Variants in TRAK2 observed in about 807,000 individuals in gnomAD.
TRAK2 encodes trafficking kinesin protein 2.
A neutral mutation model predicts 104.6 loss-of-function variants in TRAK2; 81 were observed. The ratio of observed to expected loss-of-function variants is 0.77; its 90% CI spans 0.65 to 0.93. The LOEUF (loss-of-function observed/expected upper bound fraction) is 0.93, where lower values mean the gene tolerates loss of function less well. Ranked by LOEUF, TRAK2 falls within the 40% of genes least tolerant of loss-of-function variation. The pLI is 0.00. For missense variants in TRAK2, 1,002 were observed against 1,089.0 expected (o/e 0.92, Z 1.12); for synonymous variants, 406 against 394.4 (o/e 1.03, Z -0.35).
chr2:201,434,252 C>G (rs1425068628), intron 1 of TRAK2, among the ~76,000 whole-genome samples: 1 of 152,128 alleles, frequency 6.6e-6, no homozygotes, highest in African/African-American at 2.4e-5. Context: ...CCACTGCGCC[C>G]GGCCCATAAT....
intron 1 of TRAK2, among the ~76,000 whole-genome samples, chr2:201,441,635 T>C (rs1243802078): frequency 2.0e-5 from 3 of 151,906 alleles, no homozygotes; most frequent in Non-Finnish European, 4.4e-5. Flanking sequence ...AGTTGGTTTC[T>C]AGTCTCTTCC....
chr2:201,418,372 C>T (rs888164100), intron 2 of TRAK2, among the ~76,000 whole-genome samples: 1 of 152,122 alleles, frequency 6.6e-6, no homozygotes, highest in Non-Finnish European at 1.5e-5. Context: ...GATGGGGTCT[C>T]ATTATGTTGC....
At chr2:201,428,737 G>T (rs1171059682) in intron 1 of TRAK2, among the ~76,000 whole-genome samples, 1 of 152,190 alleles carries the variant, frequency 6.6e-6, no homozygotes, top group African/African-American at 2.4e-5. Context: ...GGATGGCATT[G>T]AATCTATAAA....
intron 1 of TRAK2, among the ~76,000 whole-genome samples, chr2:201,422,085 A>T (rs1234726935): frequency 1.3e-5 from 2 of 151,952 alleles, no homozygotes; most frequent in Non-Finnish European, 2.9e-5. Context: ...AAATTGGAAC[A>T]AGCTTTCAGA....
intron 2 of TRAK2, among the ~76,000 whole-genome samples, chr2:201,409,228 T>C (rs1429923060): frequency 6.6e-6 from 1 of 151,958 alleles, no homozygotes; most frequent in Admixed American, 6.6e-5. Flanking sequence ...AAAATACTTA[T>C]ATTTAGTACA....
Position 201,389,907 on chromosome 2 carries a change from A to C in TRAK2, c.1114-27T>G, listed in dbSNP as rs201168592. The C allele has an allele frequency of 2.5e-3, 3,968 of 1,579,260 alleles. 2 individuals carry two copies. Among genetic ancestry groups the C allele is most frequent in the Non-Finnish European group, 3.1e-3 (3,531 of 1,151,206 alleles). ...TAAGAAAAAGAGTTTGAGATTTCTA[A>C]AGTGATTGTTGCCCTTAAATTAACA... On this transcript the variant is annotated intron_variant, in intron 10 of 15. Coordinates refer to ENST00000332624, the MANE Select transcript of TRAK2 (RefSeq NM_015049.3).
chr2:201,448,795 A>G (rs186611182), intron 1 of TRAK2, among the ~76,000 whole-genome samples: 514 of 152,290 alleles, frequency 3.4e-3, no homozygotes, highest in African/African-American at 0.011. Context: ...GCTGGAGTGC[A>G]GTGGTGCCAT....
rs537230828 is a variant in TRAK2 at position 201,437,188 on chromosome 2, A to G, written c.-200+14162T>C. On this transcript the variant is annotated intron_variant, in intron 1 of 15. Transcript: ENST00000332624. ...ATTTTTTGAGATATGGCTACTGGCT[A>G]TCTGCAATCCAGGAGGTTATTAGAT... 1.4e-3 allele frequency among the ~76,000 whole-genome samples: 212 copies of G among 152,334 alleles called. 1 individual carries two copies. Among genetic ancestry groups the G allele is most frequent in the African/African-American group, 4.9e-3 (204 of 41,574 alleles).
chr2:201,388,132 A>G, intron 12 of TRAK2, 131 bp from the exon 13 acceptor site: 1 of 971,770 alleles, frequency 1.0e-6, no homozygotes, highest in South Asian at 1.4e-5. Flanking sequence ...TACCTGGAAT[A>G]TAGAAGTAAT....
chr2:201,393,446 A>G (rs1951466545), intron 9 of TRAK2, among the ~76,000 whole-genome samples: 1 of 152,214 alleles, frequency 6.6e-6, no homozygotes, highest in Non-Finnish European at 1.5e-5. Flanking sequence ...TCAAGAGCCT[A>G]CAAAGTGTTA....
intron 15 of TRAK2, among the ~76,000 whole-genome samples, 160 bp from the exon 16 acceptor site, chr2:201,381,378 G>A (rs1208446988): frequency 2.6e-5 from 4 of 152,154 alleles, no homozygotes; most frequent in Non-Finnish European, 5.9e-5. Flanking sequence ...TCTGGGGAAT[G>A]AAAATTTTGA....
chr2:201,449,648 C>G (rs1208112278), intron 1 of TRAK2, among the ~76,000 whole-genome samples: 1 of 148,706 alleles, frequency 6.7e-6, no homozygotes, highest in African/African-American at 2.5e-5. Flanking sequence ...CCATGCCTGG[C>G]TAATTTTTTT....
intron 2 of TRAK2, among the ~76,000 whole-genome samples, chr2:201,419,018 TA>T (rs915626356): frequency 6.6e-6 from 1 of 152,176 alleles, no homozygotes; most frequent in African/African-American, 2.4e-5. Context: ...ATTCAACACT[TA>T]CATTTCAATA....
intron 14 of TRAK2, among the ~76,000 whole-genome samples, chr2:201,384,543 G>A (rs1951371469): frequency 6.6e-6 from 1 of 152,098 alleles, no homozygotes; most frequent in African/African-American, 2.4e-5. Flanking sequence ...TTCTCAAAGT[G>A]TGGTCTGCAG....
intron 3 of TRAK2, among the ~76,000 whole-genome samples, chr2:201,404,575 C>A (rs568701458): frequency 6.6e-6 from 1 of 152,166 alleles, no homozygotes; most frequent in Non-Finnish European, 1.5e-5. Context: ...CATTAACTAG[C>A]TCAATCTCAC....
At position 201,399,537 on chromosome 2, in the gene TRAK2, G is replaced by C. The variant is rs779141050; in HGVS notation, c.364-44C>G. On this transcript the variant is annotated intron_variant, in intron 4 of 15. Coordinates refer to ENST00000332624, the MANE Select transcript of TRAK2 (RefSeq NM_015049.3). ...CACCTTTTCTTTGAGTATAAACAAG[G>C]TTAAATGGCAGTTCAGAAATTTTGT... 9 of 1,447,250 alleles carry C rather than the reference G, an allele frequency of 6.2e-6. No homozygotes were observed. In the African/African-American group the frequency reaches 1.3e-4, roughly 20 times the overall value. The allele number at this position is 1,447,250 out of a possible 1,614,324, so 89.7% of individuals were successfully genotyped here.
intron 1 of TRAK2, among the ~76,000 whole-genome samples, chr2:201,434,530 G>T (rs1951867866): frequency 6.6e-6 from 1 of 151,916 alleles, no homozygotes; most frequent in African/African-American, 2.4e-5. Context: ...TATCCATAAA[G>T]TTCATAAGTT....
intron 1 of TRAK2, among the ~76,000 whole-genome samples, chr2:201,450,278 G>A (rs1952016510): frequency 6.6e-6 from 1 of 152,000 alleles, no homozygotes; most frequent in Non-Finnish European, 1.5e-5. Flanking sequence ...AGCTGGGCGT[G>A]GTGGTGCGCG....
intron 7 of TRAK2, 38 bp from the exon 8 acceptor site, chr2:201,395,482 T>G: frequency 6.8e-7 from 1 of 1,473,866 alleles, no homozygotes. Flanking sequence ...TTAATACAAA[T>G]GTAGAGAAGG....
Sources: allele counts gnomAD v4.1 joint callset (sites outside exome capture counted in the v4.1 genomes callset), GRCh38; gene constraint gnomAD v4.1.1; transcripts MANE v1.5; gene names NCBI Gene and HGNC (gene_info 2026-07-23, HGNC 2026-07-21).